ISOC1: variants seen among roughly 807,000 people sequenced by gnomAD.
ISOC1 encodes the protein isochorismatase domain-containing protein 1.
ISOC1 carries 33 observed loss-of-function variants against 30.0 expected under a neutral mutation model. That is an observed-to-expected ratio of 1.10 (90% confidence interval 0.83 to 1.47). The LOEUF is 1.47. Ranked by LOEUF, ISOC1 falls within the 40% of genes most tolerant of loss-of-function variation. The pLI is 0.00. For synonymous variants in ISOC1, 178 were observed against 159.8 expected (o/e 1.11, Z -0.86); for missense variants, 372 against 388.0 (o/e 0.96, Z 0.35).
intron 1 of ISOC1, 130 bp from the exon 2 acceptor site, chr5:129,104,826 G>C: frequency 1.3e-6 from 1 of 779,582 alleles, no homozygotes; most frequent in Non-Finnish European, 1.9e-6. Context: ...TACTTTTTTT[G>C]GATAATAGCG....
chr5:129,112,638 GTTCTAC>G (rs1753723114), intron 4 of ISOC1, among the ~76,000 whole-genome samples: 1 of 151,574 alleles, frequency 6.6e-6, no homozygotes, highest in African/African-American at 2.4e-5. Flanking sequence ...CCTTTTACTC[GTTCTAC>G]TCCATTTTAC....
chr5:129,099,299 C>T (rs1314818463), intron 1 of ISOC1, among the ~76,000 whole-genome samples: 1 of 152,134 alleles, frequency 6.6e-6, no homozygotes, highest in Admixed American at 6.6e-5. Flanking sequence ...ACCTTCACCC[C>T]AGTCTGAGGC....
chr5:129,110,886 GTGATTTAGTCCT>G (rs2150172477), intron 4 of ISOC1, among the ~76,000 whole-genome samples: 1 of 152,252 alleles, frequency 6.6e-6, no homozygotes, highest in South Asian at 2.1e-4. Flanking sequence ...TTGAAAGCCT[GTGATTTAGTCCT>G]TGATTCAGAC....
intron 1 of ISOC1, among the ~76,000 whole-genome samples, chr5:129,098,925 G>A (rs985644845): frequency 2.0e-5 from 3 of 152,282 alleles, no homozygotes; most frequent in Middle Eastern, 6.8e-3. Context: ...TTCGCCTTTG[G>A]CTTGATAGTT....
At chr5:129,095,753 T>G (rs1753492324) in intron 1 of ISOC1, among the ~76,000 whole-genome samples, 1 of 152,226 alleles carries the variant, frequency 6.6e-6, no homozygotes, top group African/African-American at 2.4e-5. Flanking sequence ...CAACTTAAGC[T>G]AGACCTTGAG....
intron 1 of ISOC1, 23 bp from the exon 2 acceptor site, chr5:129,104,933 C>T: frequency 6.2e-7 from 1 of 1,609,090 alleles, no homozygotes. Context: ...AGTGCTAAAT[C>T]ATTCTTTTTC....
chr5:129,113,008 T>G lies in ISOC1; in HGVS notation c.*7T>G, dbSNP rs377503729. The G allele has an allele frequency of 9.9e-6, 16 of 1,609,436 alleles. No homozygotes were observed. The African/African-American group carries it at 2.0e-4, about 20-fold the overall frequency. On this transcript the variant is annotated 3_prime_UTR_variant, in exon 5 of 5. Coordinates refer to ENST00000173527, the MANE Select transcript of ISOC1 (RefSeq NM_016048.2). ...TCTGCTTTCCAAAGTATAGGACATTTGAAGAACTGGTATGCTACTCACTGG... is the reference window on the plus strand; with the variant it reads ...TCTGCTTTCCAAAGTATAGGACATTGGAAGAACTGGTATGCTACTCACTGG...
intron 1 of ISOC1, among the ~76,000 whole-genome samples, chr5:129,097,988 C>A (rs1256871848): frequency 6.6e-6 from 1 of 152,084 alleles, no homozygotes; most frequent in Non-Finnish European, 1.5e-5. Flanking sequence ...ACAAAGAGCA[C>A]AAGTTTGGCC....
In ISOC1 at chr5:129,107,005, C is replaced by T. The variant is rs752075998; in HGVS notation, c.693C>T (p.His231=). 32 of 1,613,762 alleles carry T rather than the reference C, an allele frequency of 2.0e-5. No individual in the cohort carries two copies. Among genetic ancestry groups the T allele is most frequent in the Non-Finnish European group, 2.6e-5 (31 of 1,179,848 alleles). ...LELVGRGVEV[H]IVADATSSRS... is the part of the protein sequence containing the mutation. Reference sequence around the variant, plus strand: ...TAGTTGGCCGAGGAGTCGAGGTTCACATTGTTGCTGATGCCACCTCATCAA... The same window carrying T: ...TAGTTGGCCGAGGAGTCGAGGTTCATATTGTTGCTGATGCCACCTCATCAA... Residue 231 remains histidine, a synonymous_variant, in exon 4 of 5, where the codon CAC becomes CAT. Coordinates refer to ENST00000173527, the MANE Select transcript of ISOC1 (RefSeq NM_016048.2).
intron 1 of ISOC1, among the ~76,000 whole-genome samples, chr5:129,101,192 A>AAAATATATATAT (rs1554064627): frequency 2.4e-3 from 101 of 42,046 alleles, no homozygotes; most frequent in East Asian, 3.4e-3. Context: ...AAAAAAAAAA[A>AAAATATATATAT]ATATATATAT....
Position 129,112,859 on chromosome 5 carries a change from T to C in ISOC1, c.755T>C (p.Leu252Pro). 2.5e-6 allele frequency: 4 copies of C among 1,612,078 alleles called. No homozygotes were observed. Among genetic ancestry groups the C allele is most frequent in the Non-Finnish European group, 3.4e-6 (4 of 1,179,298 alleles). Residue 252 changes from leucine (L) to proline (P), a missense_variant, in exon 5 of 5, where the codon CTC becomes CCC. Coordinates refer to ENST00000173527, the MANE Select transcript of ISOC1 (RefSeq NM_016048.2). ...MMDRMFALERLARTGIIVTTS... is the reference protein window; with the variant it reads ...MMDRMFALERPARTGIIVTTS... ...GCCTTTATCTTTTTGTTCAAGCGTC[T>C]CGCTCGAACCGGGATCATAGTGACC...
rs1342633043 is a variant in ISOC1 at position 129,096,954 on chromosome 5, A to G, written c.309+1879A>G. Among the ~76,000 whole-genome samples the G allele has an allele frequency of 2.0e-5, 3 of 152,160 alleles. No individual in the cohort carries two copies. The East Asian group carries it at 5.8e-4, about 29-fold the overall frequency. The stretch of plus-strand genomic sequence containing the variant: ...TAAAAACATTCTAGAAATTAATGAA[A>G]TGTATGTACCTGAAAACGCTTGTAC... On this transcript the variant is annotated intron_variant, in intron 1 of 4. Transcript: ENST00000173527.
chr5:129,097,704 ATGCCTGGCTAGCTCCTC>A (rs1348066849), intron 1 of ISOC1: 2 of 151,440 alleles, frequency 1.3e-5, no homozygotes, highest in Non-Finnish European at 2.9e-5. Context: ...GTCTCCGCAT[ATGCCTGGCTAGCTCCTC>A]CACAAATGCG....
At chr5:129,095,185 G>C (rs963092795) in intron 1 of ISOC1, 110 bp downstream of exon 1, 1 of 1,125,552 alleles carries the variant, frequency 8.9e-7, no homozygotes, top group Non-Finnish European at 1.2e-6. Flanking sequence ...CCCGGGACCC[G>C]GGCCCTGCGC....
Position 129,094,820 on chromosome 5 carries a change from C to G in ISOC1, c.54C>G (p.Gly18=). The change falls in exon 1 of 5, where the codon GGC becomes GGG. Residue 18 remains glycine, a synonymous_variant. Transcript: ENST00000173527. ...CGCTCCCCAACAGCGGCGCCGGGGG[C>G]GCGGGGGCGCCGTCGGGCACAGTCC... ...VLALPNSGAG[G]AGAPSGTVPV... The G allele has an allele frequency of 1.3e-6, 2 of 1,540,816 alleles. No individual in the cohort carries two copies. Among genetic ancestry groups the G allele is most frequent in the African/African-American group, 1.4e-5 (1 of 72,646 alleles).
intron 4 of ISOC1, among the ~76,000 whole-genome samples, chr5:129,112,234 T>G (rs1753717016): frequency 6.6e-6 from 1 of 152,140 alleles, no homozygotes; most frequent in South Asian, 2.1e-4. Context: ...CTCCCCTCGA[T>G]TTTTAAAACA....
intron 4 of ISOC1, among the ~76,000 whole-genome samples, chr5:129,108,031 T>A (rs1753659655): frequency 6.6e-6 from 1 of 152,236 alleles, no homozygotes; most frequent in Admixed American, 6.5e-5. Flanking sequence ...TTTGTAATAA[T>A]TTTAGAGCAA....
Position 129,112,911 on chromosome 5 carries a change from G to A in ISOC1, c.807G>A (p.Leu269=), listed in dbSNP as rs1306757266. 2 of 1,613,458 alleles carry A rather than the reference G, an allele frequency of 1.2e-6. No individual in the cohort carries two copies. Among genetic ancestry groups the A allele is most frequent in the Admixed American group, 1.7e-5 (1 of 59,990 alleles). Residue 269 remains leucine, a synonymous_variant, in exon 5 of 5, where the codon CTG becomes CTA. Transcript: ENST00000173527. ...CGAGTGAGGCTGTTCTGCTTCAGCTGGTAGCTGATAAGGACCATCCAAAAT... is the reference window on the plus strand; with the variant it reads ...CGAGTGAGGCTGTTCTGCTTCAGCTAGTAGCTGATAAGGACCATCCAAAAT... ...VTTSEAVLLQ[L]VADKDHPKFK... is the part of the protein sequence containing the mutation.
At chr5:129,100,878 A>T (rs1310441879) in intron 1 of ISOC1, among the ~76,000 whole-genome samples, 1 of 151,428 alleles carries the variant, frequency 6.6e-6, no homozygotes, top group Non-Finnish European at 1.5e-5. Context: ...TATAGACGTT[A>T]TTCCCCCAAA....
Sources: allele counts gnomAD v4.1 joint callset (sites outside exome capture counted in the v4.1 genomes callset), GRCh38; gene constraint gnomAD v4.1.1; transcripts MANE v1.5; gene names NCBI Gene and HGNC (gene_info 2026-07-23, HGNC 2026-07-21).